LGR5: variants seen among roughly 807,000 people sequenced by gnomAD.
LGR5 encodes the protein leucine-rich repeat-containing G protein-coupled receptor 5.
A neutral mutation model predicts 76.7 loss-of-function variants in LGR5; 54 were observed. That is an observed-to-expected ratio of 0.70 (90% confidence interval 0.57 to 0.88). The LOEUF (loss-of-function observed/expected upper bound fraction) is 0.88, where lower values mean the gene tolerates loss of function less well. Among genes scored for constraint, LGR5 ranks in the 40% least tolerant of loss-of-function variants. The pLI is 0.00. For synonymous variants in LGR5, 406 were observed against 421.9 expected (o/e 0.96, Z 0.46); for missense variants, 1,078 against 1,073.3 (o/e 1.00, Z -0.06).
rs534553512 is a variant in LGR5, at chr12:71,549,394, G to C, written c.429-3679G>C. Among the ~76,000 whole-genome samples the C allele has an allele frequency of 2.4e-3, 363 of 152,246 alleles. 4 individuals carry two copies. The highest frequency in any genetic ancestry group is 0.01 in the Middle Eastern group (3 of 294). ...GCCATTGTATGGCATGGTGACTACAGTTAATAATAATATATTGTATACTTG... is the reference window on the plus strand; with the variant it reads ...GCCATTGTATGGCATGGTGACTACACTTAATAATAATATATTGTATACTTG... On this transcript the variant is annotated intron_variant, in intron 4 of 17. Transcript: ENST00000266674.
intron 5 of LGR5, among the ~76,000 whole-genome samples, chr12:71,555,054 A>G (rs1006649470): frequency 2.0e-5 from 3 of 152,112 alleles, no homozygotes; most frequent in African/African-American, 7.2e-5. Flanking sequence ...GGGCTGGCCA[A>G]TATCTTATTT....
At position 71,556,799 on chromosome 12, in the gene LGR5, G is replaced by T. The variant is rs908800238; in HGVS notation, c.716+109G>T. ...TTGTTTGGTTTGGTTAATTGCCTAAGCTTTCAACAGATATTTACAGTGGCA... is the reference window on the plus strand; with the variant it reads ...TTGTTTGGTTTGGTTAATTGCCTAATCTTTCAACAGATATTTACAGTGGCA... On this transcript the variant is annotated intron_variant, in intron 6 of 17. Coordinates refer to ENST00000266674, the MANE Select transcript of LGR5 (RefSeq NM_003667.4). 13 of 805,956 alleles carry T rather than the reference G, an allele frequency of 1.6e-5. No homozygotes were observed. The African/African-American group carries it at 1.9e-4, about 12-fold the overall frequency. 49.9% of individuals were successfully genotyped at this position (805,956 alleles called of 1,614,324 possible). A position where few individuals can be genotyped will look rare whatever the true frequency, so the allele number is the denominator to read the frequency against.
chr12:71,487,275 G>A (rs7138773), intron 1 of LGR5, among the ~76,000 whole-genome samples: 13,623 of 152,162 alleles, frequency 0.09, 653 homozygotes, highest in Non-Finnish European at 0.11. Context: ...ACTAAACAAG[G>A]ATGATTGGCT....
intron 1 of LGR5, among the ~76,000 whole-genome samples, chr12:71,454,535 G>A (rs1181714479): frequency 6.6e-6 from 1 of 152,176 alleles, no homozygotes; most frequent in Non-Finnish European, 1.5e-5. Flanking sequence ...GGAGATGGTA[G>A]GAGGAAAGTG....
chr12:71,483,523 C>A (rs1002451647), intron 1 of LGR5, among the ~76,000 whole-genome samples: 1 of 152,066 alleles, frequency 6.6e-6, no homozygotes, highest in Non-Finnish European at 1.5e-5. Context: ...ACACAAAGAA[C>A]CTGAATTTTA....
intron 4 of LGR5, 92 bp downstream of exon 4, chr12:71,535,278 T>C: frequency 1.2e-6 from 1 of 830,006 alleles, no homozygotes; most frequent in East Asian, 2.5e-5. Flanking sequence ...TGTTCCTTGG[T>C]TGGGAGTCAT....
At chr12:71,552,459 A>C (rs1446482086) in intron 4 of LGR5, among the ~76,000 whole-genome samples, 1 of 151,552 alleles carries the variant, frequency 6.6e-6, no homozygotes, top group African/African-American at 2.4e-5. Flanking sequence ...CAGCTACTCG[A>C]GAGGCTGAAG....
rs1300080811 is a variant in LGR5, at chr12:71,580,417, G to A, written c.1546G>A (p.Ala516Thr). 1 of 1,612,842 alleles carries A rather than the reference G, an allele frequency of 6.2e-7. No homozygotes were observed. The highest frequency in any genetic ancestry group is 8.5e-7 in the Non-Finnish European group (1 of 1,179,486). ...TAAGAAAGATGCTGGAATGTTTCAGGCTCAAGGTAGGACTTGCTATGCCAT... is the reference window on the plus strand; with the variant it reads ...TAAGAAAGATGCTGGAATGTTTCAGACTCAAGGTAGGACTTGCTATGCCAT... ...LHKKDAGMFQ[A>T]QDERDLEDFL... Residue 516 changes from alanine (A) to threonine (T), a missense_variant, in exon 16 of 18, where the codon GCT becomes ACT. Physicochemically the swap from Ala to Thr is moderately conservative, Grantham distance 58. Coordinates refer to ENST00000266674, the MANE Select transcript of LGR5 (RefSeq NM_003667.4).
At chr12:71,452,760 C>T (rs1016995772) in intron 1 of LGR5, among the ~76,000 whole-genome samples, 2 of 152,142 alleles carry the variant, frequency 1.3e-5, no homozygotes, top group African/African-American at 4.8e-5. Flanking sequence ...GCCTTATCTT[C>T]AGTGACCTTG....
chr12:71,516,916 T>G (rs1044462911), intron 2 of LGR5, among the ~76,000 whole-genome samples: 2 of 151,866 alleles, frequency 1.3e-5, no homozygotes, highest in Non-Finnish European at 2.9e-5. Context: ...GAAAGACAAG[T>G]TTTTTTTAAT....
In LGR5 at chr12:71,564,789, A is replaced by G. The variant is rs964431511; in HGVS notation, c.858-1615A>G. The stretch of plus-strand genomic sequence containing the variant: ...ATATGTACACACTGCATATATACAT[A>G]TATACATATATGTACACACACTGTA... On this transcript the variant is annotated intron_variant, in intron 8 of 17. Coordinates refer to ENST00000266674, the MANE Select transcript of LGR5 (RefSeq NM_003667.4). Among the ~76,000 whole-genome samples, 59 of 149,632 alleles carry G rather than the reference A, an allele frequency of 3.9e-4. 1 individual carries two copies. The highest frequency in any genetic ancestry group is 7.7e-4 in the Non-Finnish European group (52 of 67,416).
chr12:71,562,837 G>A lies in LGR5; in HGVS notation c.857+985G>A, dbSNP rs536672353. 6.6e-5 allele frequency among the ~76,000 whole-genome samples: 10 copies of A among 152,176 alleles called. No individual in the cohort carries two copies. The East Asian group carries it at 1.5e-3, about 24-fold the overall frequency. On this transcript the variant is annotated intron_variant, in intron 8 of 17. Transcript: ENST00000266674. Reference sequence around the variant, plus strand: ...TTGGTCCTGTGCCAACTGGAGTGACGGGCTTTCTGGGACCATGTGGTATTT... The same window carrying A: ...TTGGTCCTGTGCCAACTGGAGTGACAGGCTTTCTGGGACCATGTGGTATTT...
At chr12:71,479,781 T>C (rs1565676423) in intron 1 of LGR5, among the ~76,000 whole-genome samples, 1 of 151,756 alleles carries the variant, frequency 6.6e-6, no homozygotes, top group Non-Finnish European at 1.5e-5. Flanking sequence ...GCTTGGGGTG[T>C]AGGAGGAACT....
In LGR5 at chr12:71,560,614, A is replaced by C. The variant is rs1311701494; in HGVS notation, c.785+960A>C. Among the ~76,000 whole-genome samples, 4 of 152,190 alleles carry C rather than the reference A, an allele frequency of 2.6e-5. No individual in the cohort carries two copies. In the East Asian group the frequency reaches 7.7e-4, roughly 29 times the overall value. ...CGAGACCAGCCTGGCCAACATGGTG[A>C]AACCCCGTCTCTACTAAAAATACAA... On this transcript the variant is annotated intron_variant, in intron 7 of 17. Transcript: ENST00000266674.
At chr12:71,529,233 G>A (rs1184870005) in intron 3 of LGR5, among the ~76,000 whole-genome samples, 5 of 152,140 alleles carry the variant, frequency 3.3e-5, no homozygotes, top group African/African-American at 9.7e-5. Flanking sequence ...CTGAGACTGG[G>A]TAATTTATAA....
chr12:71,470,364 A>G (rs181934408), intron 1 of LGR5, among the ~76,000 whole-genome samples: 170 of 152,236 alleles, frequency 1.1e-3, no homozygotes, highest in Non-Finnish European at 2.0e-3. Context: ...ATTTATTAAC[A>G]TTGTTTGGTT....
intron 17 of LGR5, 43 bp from the exon 18 acceptor site, chr12:71,583,604 A>T: frequency 6.4e-7 from 1 of 1,555,606 alleles, no homozygotes; most frequent in Non-Finnish European, 8.7e-7. Flanking sequence ...AAAGTTGTAA[A>T]CCCTAATTTG....
intron 14 of LGR5, 51 bp downstream of exon 14, chr12:71,578,047 A>G: frequency 7.3e-7 from 1 of 1,365,212 alleles, no homozygotes; most frequent in South Asian, 1.2e-5. Context: ...ATTGAGGACC[A>G]TCTAGTTAAT....
intron 1 of LGR5, among the ~76,000 whole-genome samples, chr12:71,470,279 T>C (rs574464701): frequency 1.8e-4 from 27 of 152,288 alleles, no homozygotes; most frequent in African/African-American, 6.3e-4. Context: ...CTCACTAAAC[T>C]CCCTTTTTAT....
Sources: allele counts gnomAD v4.1 joint callset (sites outside exome capture counted in the v4.1 genomes callset), GRCh38; gene constraint gnomAD v4.1.1; transcripts MANE v1.5; gene names NCBI Gene and HGNC (gene_info 2026-07-23, HGNC 2026-07-21).